The following PRKCA variants were observed in gnomAD, a reference collection of about 807,000 sequenced individuals.
PRKCA encodes protein kinase C alpha type.
A neutral mutation model predicts 87.0 loss-of-function variants in PRKCA; 27 were observed. That is an observed-to-expected ratio of 0.31 (90% confidence interval 0.23 to 0.43). The LOEUF (loss-of-function observed/expected upper bound fraction) is 0.43, where lower values mean the gene tolerates loss of function less well. Among genes scored for constraint, PRKCA ranks in the 20% least tolerant of loss-of-function variants. The pLI, the probability that PRKCA is intolerant of heterozygous loss-of-function variation, is 1.00. For synonymous variants in PRKCA, 329 were observed against 311.1 expected (o/e 1.06, Z -0.61); for missense variants, 518 against 852.3 (o/e 0.61, Z 4.88).
intron 3 of PRKCA, among the ~76,000 whole-genome samples, chr17:66,635,068 GATA>G (rs1241801612): frequency 6.6e-6 from 1 of 152,220 alleles, no homozygotes; most frequent in Non-Finnish European, 1.5e-5. Context: ...AGGAGACTTT[GATA>G]ATGACTTTTC....
intron 3 of PRKCA, among the ~76,000 whole-genome samples, chr17:66,520,715 A>G (rs557830526): frequency 4.9e-4 from 75 of 152,302 alleles, no homozygotes; most frequent in African/African-American, 1.8e-3. Flanking sequence ...CCTTGGGCTA[A>G]GGAAACAGTT....
intron 13 of PRKCA, among the ~76,000 whole-genome samples, chr17:66,755,676 C>A (rs1051057227): frequency 4.6e-5 from 7 of 152,154 alleles, no homozygotes; most frequent in Non-Finnish European, 8.8e-5. Flanking sequence ...TTCTTTTCTG[C>A]ACAGAAAAAG....
intron 2 of PRKCA, among the ~76,000 whole-genome samples, chr17:66,456,108 C>T (rs903157944): frequency 2.6e-5 from 4 of 151,584 alleles, no homozygotes; most frequent in African/African-American, 9.7e-5. Context: ...CCGAGGAATG[C>T]CAAGATTTGC....
intron 2 of PRKCA, among the ~76,000 whole-genome samples, chr17:66,401,736 A>G (rs1026709904): frequency 2.6e-5 from 4 of 152,192 alleles, no homozygotes; most frequent in African/African-American, 9.7e-5. Context: ...GGTTAAGTGT[A>G]TGAGTGGTGA....
At chr17:66,690,865 C>T (rs921830477) in intron 8 of PRKCA, among the ~76,000 whole-genome samples, 3 of 149,086 alleles carry the variant, frequency 2.0e-5, no homozygotes, top group East Asian at 4.0e-4. Context: ...TAGAGCTGTC[C>T]GGATGTGGTA....
intron 3 of PRKCA, among the ~76,000 whole-genome samples, chr17:66,546,774 G>A (rs1462452889): frequency 2.0e-5 from 3 of 152,148 alleles, no homozygotes; most frequent in African/African-American, 4.8e-5. Flanking sequence ...AACACAATAC[G>A]ACCCGCAGCA....
At chr17:66,322,501 C>T (rs1905731808) in intron 2 of PRKCA, among the ~76,000 whole-genome samples, 1 of 152,048 alleles carries the variant, frequency 6.6e-6, no homozygotes, top group African/African-American at 2.4e-5. Context: ...CTCCCTCTGT[C>T]ATCCAGGCTA....
chr17:66,442,035 A>G (rs891101466), intron 2 of PRKCA, among the ~76,000 whole-genome samples: 8 of 151,334 alleles, frequency 5.3e-5, no homozygotes, highest in African/African-American at 1.9e-4. Flanking sequence ...ATATAGCATC[A>G]TGTTTTTCAT....
chr17:66,790,709 G>A (rs958780522), intron 16 of PRKCA, among the ~76,000 whole-genome samples: 1 of 152,176 alleles, frequency 6.6e-6, no homozygotes, highest in African/African-American at 2.4e-5. Flanking sequence ...AGAAAGCGAT[G>A]AGTTGCAGCA....
intron 8 of PRKCA, among the ~76,000 whole-genome samples, chr17:66,713,067 T>TTTTTTTTG (rs1403247186): frequency 7.6e-5 from 11 of 145,666 alleles, no homozygotes; most frequent in East Asian, 2.1e-4. Context: ...TTTTTTTTTT[T>TTTTTTTTG]TTGAGATGGA....
intron 1 of PRKCA, among the ~76,000 whole-genome samples, chr17:66,305,192 G>A (rs1040697120): frequency 3.3e-5 from 5 of 152,106 alleles, no homozygotes; most frequent in African/African-American, 1.2e-4. Context: ...TTGCTTCTAC[G>A]GGGTCCTTGA....
chr17:66,768,845 T>C (rs1234018262), intron 13 of PRKCA, among the ~76,000 whole-genome samples: 1 of 152,220 alleles, frequency 6.6e-6, no homozygotes, highest in African/African-American at 2.4e-5. Context: ...ATATGGTTTA[T>C]GGACACAAAC....
chr17:66,452,746 C>T (rs1027021350), intron 2 of PRKCA, among the ~76,000 whole-genome samples: 1 of 152,158 alleles, frequency 6.6e-6, no homozygotes, highest in Admixed American at 6.5e-5. Flanking sequence ...TGCCTGTAGT[C>T]CCAGCTACTC....
intron 5 of PRKCA, chr17:66,676,760 G>T (rs1354339289): frequency 2.0e-5 from 3 of 152,364 alleles, no homozygotes; most frequent in African/African-American, 7.2e-5. Flanking sequence ...CGGGAGAAAA[G>T]AAGCAAGCGT....
intron 2 of PRKCA, among the ~76,000 whole-genome samples, chr17:66,406,585 G>GTTTTTTGTTTTTTTTTTTTTTT: frequency 1.4e-5 from 1 of 70,180 alleles, no homozygotes; most frequent in Admixed American, 2.5e-4. Context: ...GCTTTTCCAG[G>GTTTTTTGTTTTTTTTTTTTTTT]TTTTTTTTTT....
At chr17:66,452,093 AG>A (rs1914354002) in intron 2 of PRKCA, among the ~76,000 whole-genome samples, 1 of 152,196 alleles carries the variant, frequency 6.6e-6, no homozygotes, top group Non-Finnish European at 1.5e-5. Context: ...TCCATGCAGC[AG>A]GGTGCGTCCA....
chr17:66,739,848 G>C (rs561467572), intron 11 of PRKCA, among the ~76,000 whole-genome samples: 2 of 152,070 alleles, frequency 1.3e-5, no homozygotes, highest in African/African-American at 4.8e-5. Context: ...AAGAGGGAAG[G>C]CACTGCAGTG....
In PRKCA at chr17:66,556,323, CTTTTTTTTTT is replaced by C. The variant is rs61549626; in HGVS notation, c.288+60049_288+60058del. Among the ~76,000 whole-genome samples the C allele has an allele frequency of 3.9e-3, 503 of 128,980 alleles. 5 individuals are homozygous for C. The highest frequency in any genetic ancestry group is 0.013 in the African/African-American group (469 of 34,920). The allele number at this position is 128,980 out of a possible 152,430, so 84.6% of individuals were successfully genotyped here. On this transcript the variant is annotated intron_variant, in intron 3 of 16. Transcript: ENST00000413366. ...TGAGAATAATCTTTTCTTTCTTCTT[CTTTTTTTTTT>C]TTTTTTTTGGTCAAGACAATAGTCT... is the stretch of plus-strand genomic sequence containing the variant.
At chr17:66,688,141 C>G (rs1260990805) in intron 6 of PRKCA, among the ~76,000 whole-genome samples, 161 bp from the exon 7 acceptor site, 2 of 152,156 alleles carry the variant, frequency 1.3e-5, no homozygotes, top group Non-Finnish European at 2.9e-5. Flanking sequence ...TTGTTAACTC[C>G]TGTAGCGCTT....
Sources: allele counts gnomAD v4.1 joint callset (sites outside exome capture counted in the v4.1 genomes callset), GRCh38; gene constraint gnomAD v4.1.1; transcripts MANE v1.5; gene names NCBI Gene and HGNC (gene_info 2026-07-23, HGNC 2026-07-21).